Variants in ZNF616 observed in about 807,000 individuals in gnomAD.
The protein encoded by ZNF616 is zinc finger protein 616.
A neutral mutation model predicts 7.6 loss-of-function variants in ZNF616; 5 were observed. The ratio of observed to expected loss-of-function variants is 0.66; its 90% CI spans 0.34 to 1.38. The LOEUF (loss-of-function observed/expected upper bound fraction) is 1.38. Ranked by LOEUF, ZNF616 falls within the 40% of genes most tolerant of loss-of-function variation. The pLI is 0.04. For synonymous variants in ZNF616, 319 were observed against 317.2 expected (o/e 1.01, Z -0.06); for missense variants, 913 against 948.3 (o/e 0.96, Z 0.49).
chr19:52,139,761 A>AGG lies in ZNF616; in HGVS notation c.-108_-107dup, dbSNP rs1464217460. The AGG allele has an allele frequency of 6.6e-6, 1 of 152,320 alleles. No homozygotes were observed. Among genetic ancestry groups the AGG allele is most frequent in the Non-Finnish European group, 1.5e-5 (1 of 68,156 alleles). The allele number at this position is 152,320 out of a possible 1,614,324, so 9.4% of individuals were successfully genotyped here. On this transcript the variant is annotated 5_prime_UTR_variant, in exon 1 of 4. Transcript: ENST00000600228. The surrounding 1 kb of genome is among the most constrained non-coding windows in gnomAD (Gnocchi z 4.1). ...GGAGAAGTGCCTGTTGCAGGGGCGA[A>AGG]GGGGCTATGGGTATTTTAAGGTCCG...
chr19:52,130,123 A>G (rs1293906847), intron 2 of ZNF616, among the ~76,000 whole-genome samples: 3 of 152,146 alleles, frequency 2.0e-5, no homozygotes, highest in African/African-American at 7.2e-5. Context: ...TGACTTCCAC[A>G]TGCAGCTTCT....
At chr19:52,119,011 G>A (rs1293246332) in intron 3 of ZNF616, among the ~76,000 whole-genome samples, 1 of 152,136 alleles carries the variant, frequency 6.6e-6, no homozygotes, top group East Asian at 1.9e-4. Context: ...TACTAAGAGT[G>A]TATAAAGAAA....
rs1468169401 is a variant in ZNF616 at position 52,114,934 on chromosome 19, G to GT, written c.2229dup (p.Pro744ThrfsTer3). On this transcript the variant is annotated frameshift_variant, in exon 4 of 4. Coordinates refer to ENST00000600228, the MANE Select transcript of ZNF616 (RefSeq NM_178523.5). LOFTEE classifies it low-confidence loss of function (END_TRUNC). ...TTCCCACACTCATTACATTTATAAGGTTTTTTGCCAGAATGAATTCTTTGG... is the reference window on the plus strand; with the variant it reads ...TTCCCACACTCATTACATTTATAAGGTTTTTTTGCCAGAATGAATTCTTTGG... 6.2e-7 allele frequency: 1 copy of GT among 1,613,990 alleles called. No homozygotes were observed. The highest frequency in any genetic ancestry group is 2.2e-5 in the East Asian group (1 of 44,880).
chr19:52,121,144 T>C (rs1167243353), intron 3 of ZNF616, among the ~76,000 whole-genome samples: 1 of 152,206 alleles, frequency 6.6e-6, no homozygotes, highest in Non-Finnish European at 1.5e-5. Context: ...AACCTCCGCC[T>C]CCCAGGTTCA....
intron 3 of ZNF616, chr19:52,122,180 T>C (rs994395260): frequency 6.6e-6 from 1 of 151,814 alleles, no homozygotes; most frequent in African/African-American, 2.4e-5. Context: ...AAAAGCAATG[T>C]GTCTGATATA....
chr19:52,127,471 A>C (rs938314715), intron 2 of ZNF616, among the ~76,000 whole-genome samples: 2 of 152,226 alleles, frequency 1.3e-5, no homozygotes, highest in African/African-American at 4.8e-5. Context: ...TGTTATTTAT[A>C]ATCTAAAACT....
intron 3 of ZNF616, 101 bp from the exon 4 acceptor site, chr19:52,117,125 C>T: frequency 3.9e-6 from 4 of 1,034,500 alleles, no homozygotes; most frequent in Non-Finnish European, 5.5e-6. Flanking sequence ...AATCTTTATA[C>T]TAGACAGGTG....
chr19:52,113,910 A>T lies in ZNF616; in HGVS notation c.*908T>A, dbSNP rs954800122. Reference sequence around the variant, plus strand: ...CAGGTCTTTGAACATTTCATTTTTTAAAACCATTTATTTGGAAGGTTGTCT... The same window carrying T: ...CAGGTCTTTGAACATTTCATTTTTTTAAACCATTTATTTGGAAGGTTGTCT... On this transcript the variant is annotated 3_prime_UTR_variant, in exon 4 of 4. Coordinates refer to ENST00000600228, the MANE Select transcript of ZNF616 (RefSeq NM_178523.5). The T allele has an allele frequency of 4.6e-5, 7 of 152,148 alleles. No individual in the cohort carries two copies. Among genetic ancestry groups the T allele is most frequent in the African/African-American group, 1.4e-4 (6 of 41,428 alleles). 9.4% of individuals were successfully genotyped at this position (152,148 alleles called of 1,614,324 possible).
chr19:52,137,254 TA>T (rs56806287), intron 1 of ZNF616, among the ~76,000 whole-genome samples: 187 of 146,402 alleles, frequency 1.3e-3, no homozygotes, highest in African/African-American at 3.3e-3. Context: ...CCGTCTGTAC[TA>T]AAAAAAAAAT....
chr19:52,130,585 A>G lies in ZNF616; in HGVS notation c.-73T>C. Reference sequence around the variant, plus strand: ...CAGTCAATGTAATTATTCACACATCAAACCTGAAAGTTAAAAAATCTGTTG... The same window carrying G: ...CAGTCAATGTAATTATTCACACATCGAACCTGAAAGTTAAAAAATCTGTTG... On this transcript the variant is annotated 5_prime_UTR_variant, in exon 2 of 4. Coordinates refer to ENST00000600228, the MANE Select transcript of ZNF616 (RefSeq NM_178523.5). The G allele has an allele frequency of 6.4e-7, 1 of 1,563,316 alleles. No individual in the cohort carries two copies. Among genetic ancestry groups the G allele is most frequent in the Non-Finnish European group, 8.6e-7 (1 of 1,158,738 alleles).
intron 3 of ZNF616, among the ~76,000 whole-genome samples, chr19:52,123,376 G>A (rs79487637): frequency 0.018 from 2,750 of 152,122 alleles, 34 homozygotes; most frequent in Middle Eastern, 0.054. Context: ...TAGGCCAAGC[G>A]TACTGGCTCA....
rs114392256 is a variant in ZNF616 at position 52,115,545 on chromosome 19, C to T, written c.1619G>A (p.Arg540Gln). The change falls in exon 4 of 4, where the codon CGG (arginine) becomes CAG (glutamine). Residue 540 changes from arginine to glutamine, a missense_variant. Arg to Gln is a conservative substitution (Grantham distance 43). Transcript: ENST00000600228. ...AGGCTTCTCTCCAGTATGAATTCTC[C>T]GATGCCTTGCAAAAGCTGAACGGTC... ...FSDRSAFARHRRIHTGEKPYK... is the reference protein window; with the variant it reads ...FSDRSAFARHQRIHTGEKPYK... The T allele has an allele frequency of 5.8e-4, 935 of 1,613,480 alleles. 3 individuals carry two copies. The African/African-American group carries it at 0.011, about 19-fold the overall frequency.
chr19:52,120,783 T>A (rs1290379067), intron 3 of ZNF616, among the ~76,000 whole-genome samples: 1 of 152,196 alleles, frequency 6.6e-6, no homozygotes, highest in African/African-American at 2.4e-5. Context: ...TAGTTATATA[T>A]GCACCTAATA....
At chr19:52,136,070 T>C (rs60937535) in intron 1 of ZNF616, among the ~76,000 whole-genome samples, 16,375 of 137,422 alleles carry the variant, frequency 0.12, 1,075 homozygotes, top group South Asian at 0.31. Flanking sequence ...GCAGATGTTG[T>C]AGTGAGCCGA....
At position 52,116,619 on chromosome 19, in the gene ZNF616, T is replaced by C. The variant is rs781200319; in HGVS notation, c.545A>G (p.Glu182Gly). 5 of 1,613,942 alleles carry C rather than the reference T, an allele frequency of 3.1e-6. No individual in the cohort carries two copies. The African/African-American group carries it at 4.0e-5, about 13-fold the overall frequency. Reference protein sequence around the residue: ...NGCLVSPHIREKTYVCNECGK... With the variant: ...NGCLVSPHIRGKTYVCNECGK... ...ACATTCATTACATACATACGTTTTT[T>C]CCCTAATGTGTGGAGAAACTAAACA... Residue 182 changes from glutamate to glycine, a missense_variant, in exon 4 of 4, where the codon GAA (glutamate) becomes GGA (glycine). Physicochemically the swap from Glu to Gly is moderately conservative, Grantham distance 98 (BLOSUM62 -2). Transcript: ENST00000600228.
intron 2 of ZNF616, among the ~76,000 whole-genome samples, chr19:52,129,391 T>C (rs2088938249): frequency 6.6e-6 from 1 of 152,150 alleles, no homozygotes; most frequent in South Asian, 2.1e-4. Context: ...AAAACAAATA[T>C]ATACATCATG....
chr19:52,116,881 G>A lies in ZNF616; in HGVS notation c.283C>T (p.His95Tyr), dbSNP rs2088830737. 6.2e-7 allele frequency: 1 copy of A among 1,613,968 alleles called. No homozygotes were observed. The highest frequency in any genetic ancestry group is 2.2e-5 in the East Asian group (1 of 44,870). Residue 95 changes from histidine to tyrosine, a missense_variant, in exon 4 of 4, where the codon CAT (histidine) becomes TAT (tyrosine). By Grantham distance (83) the His-to-Tyr change is moderately conservative. Coordinates refer to ENST00000600228, the MANE Select transcript of ZNF616 (RefSeq NM_178523.5). Reference protein sequence around the residue: ...LYFREIQKHLHDLEFQWKDGE... With the variant: ...LYFREIQKHLYDLEFQWKDGE... ...TCTTTCCATTGAAATTCAAGGTCAT[G>A]TAGATGTTTCTGTATTTCCCTGAAG...
Position 52,115,806 on chromosome 19 carries a change from G to A in ZNF616, c.1358C>T (p.Ala453Val), listed in dbSNP as rs771465201. The change falls in exon 4 of 4, where the codon GCA (alanine) becomes GTA (valine). Residue 453 changes from alanine to valine, a missense_variant. Transcript: ENST00000600228. ...GKVYSKHSHL[A>V]VHWRIHTGEK... ...GCCGGTATGAATTCTCCAATGCACTGCAAGATGTGAATGCTTACTGTACAC... is the reference window on the plus strand; with the variant it reads ...GCCGGTATGAATTCTCCAATGCACTACAAGATGTGAATGCTTACTGTACAC... 28 of 1,608,516 alleles carry A rather than the reference G, an allele frequency of 1.7e-5. No homozygotes were observed. The South Asian group carries it at 3.1e-4, about 18-fold the overall frequency.
At chr19:52,117,603 G>A (rs1480738056) in intron 3 of ZNF616, among the ~76,000 whole-genome samples, 1 of 151,956 alleles carries the variant, frequency 6.6e-6, no homozygotes, top group East Asian at 1.9e-4. Context: ...GCATATACAA[G>A]TTTGCATCAT....
Sources: gnomAD v4.1 joint callset for allele counts (sites outside exome capture counted in the v4.1 genomes callset) on GRCh38, gnomAD v4.1.1 for gene constraint, Gnocchi (gnomAD v3.1) non-coding constraint, MANE v1.5 for transcripts, NCBI Gene and HGNC (gene_info 2026-07-23, HGNC 2026-07-21) for gene names.